The following PCDH15 variants were observed in gnomAD, a reference collection of about 807,000 sequenced individuals.
The protein encoded by PCDH15 is protocadherin-15.
In PCDH15, 129 loss-of-function variants were observed where a neutral mutation model predicts 178.5. The ratio of observed to expected loss-of-function variants is 0.72; its 90% CI spans 0.63 to 0.84. The LOEUF is 0.84. PCDH15 is among the 40% of genes least tolerant of loss of function. The probability of loss-of-function intolerance (pLI) is 0.00; values close to 1 mark genes in which losing one functional copy is unlikely to be tolerated. For synonymous variants in PCDH15, 800 were observed against 732.0 expected (o/e 1.09, Z -1.50); for missense variants, 2,230 against 2,099.9 (o/e 1.06, Z -1.21).
intron 17 of PCDH15, among the ~76,000 whole-genome samples, chr10:54,067,620 T>G (rs1402415004): frequency 6.6e-6 from 1 of 152,124 alleles, no homozygotes; most frequent in Non-Finnish European, 1.5e-5. Context: ...AATCAAAGCC[T>G]GAGTACAGCA....
At chr10:54,305,854 C>T (rs898988693) in intron 8 of PCDH15, among the ~76,000 whole-genome samples, 4 of 151,754 alleles carry the variant, frequency 2.6e-5, no homozygotes, top group South Asian at 2.1e-4. Flanking sequence ...CACACAAAGA[C>T]ATTTCACCTC....
chr10:54,866,626 A>C (rs1953946941), intron 3 of PCDH15, among the ~76,000 whole-genome samples: 1 of 152,176 alleles, frequency 6.6e-6, no homozygotes, highest in Non-Finnish European at 1.5e-5. Context: ...ATTTTTATTT[A>C]ATAGTTATTA....
intron 35 of PCDH15, 103 bp downstream of exon 35, chr10:53,816,136 G>A: frequency 2.5e-6 from 1 of 396,406 alleles, no homozygotes; most frequent in East Asian, 3.6e-5. Context: ...TTAAAATTAT[G>A]CCACATTGGC....
rs573597042 is a variant in PCDH15 at position 54,717,680 on chromosome 10, A to T, written c.-28-53390T>A. ...TGTTGGTGGGACTGTAAACTAGTTC[A>T]ACCATTGTGGAAGTCAGTGTGGCGA... is the stretch of plus-strand genomic sequence containing the variant. On this transcript the variant is annotated intron_variant, in intron 1 of 37. Coordinates refer to ENST00000644397, the MANE Select transcript of PCDH15 (RefSeq NM_001384140.1). 8.0e-4 allele frequency among the ~76,000 whole-genome samples: 109 copies of T among 136,152 alleles called. 9 individuals are homozygous for T. The highest frequency in any genetic ancestry group is 2.9e-3 in the African/African-American group (103 of 35,032). The allele number at this position is 136,152 out of a possible 152,430, so 89.3% of individuals were successfully genotyped here.
Position 55,233,135 on chromosome 10 carries a change from T to C in PCDH15, c.-155-66484A>G, listed in dbSNP as rs867701871. 2.0e-5 allele frequency among the ~76,000 whole-genome samples: 3 copies of C among 152,220 alleles called. No homozygotes were observed. In the South Asian group the frequency reaches 6.2e-4, roughly 32 times the overall value. On this transcript the variant is annotated intron_variant, in intron 1 of 5. Coordinates refer to the PCDH15 transcript ENST00000458638. The stretch of plus-strand genomic sequence containing the variant: ...TATATTTATAGAGATAAAAATATGG[T>C]ATCTATACTACTTCTATATTAACTA...
chr10:53,812,105 T>C (rs1460054624), intron 35 of PCDH15, among the ~76,000 whole-genome samples: 2 of 152,238 alleles, frequency 1.3e-5, no homozygotes, highest in African/African-American at 4.8e-5. Flanking sequence ...ACTGTTCTGA[T>C]AAAGTCATCT....
chr10:54,317,249 A>G lies in PCDH15; in HGVS notation c.876+22T>C, dbSNP rs181370187. On this transcript the variant is annotated intron_variant, in intron 8 of 37. Coordinates refer to ENST00000644397, the MANE Select transcript of PCDH15 (RefSeq NM_001384140.1). ...GGTTTTAAAACATGCAAATAAATGG[A>G]GAAAGATAAGAGTATATTTACCGGA... 5 of 1,607,206 alleles carry G rather than the reference A, an allele frequency of 3.1e-6. No individual in the cohort carries two copies. In the Admixed American group the frequency reaches 6.7e-5, roughly 21 times the overall value.
intron 3 of PCDH15, among the ~76,000 whole-genome samples, chr10:54,841,600 T>C (rs1953418797): frequency 6.6e-6 from 1 of 151,748 alleles, no homozygotes; most frequent in Non-Finnish European, 1.5e-5. Flanking sequence ...TAGAAAATTT[T>C]ATTGTTAAAT....
chr10:54,936,984 G>A (rs562112465), intron 2 of PCDH15, among the ~76,000 whole-genome samples: 25 of 151,664 alleles, frequency 1.6e-4, no homozygotes, highest in African/African-American at 4.4e-4. Context: ...TATTTCTTAC[G>A]TTGAGGTCTA....
intron 2 of PCDH15, among the ~76,000 whole-genome samples, chr10:55,005,643 C>T (rs7090160): frequency 0.83 from 126,734 of 152,066 alleles, 53,368 homozygotes; most frequent in African/African-American, 0.96. Context: ...ACATTTTTTT[C>T]CCTCTATTCT....
At chr10:55,412,310 C>A (rs1423610538) in intron 2 of PCDH15, among the ~76,000 whole-genome samples, 1 of 151,746 alleles carries the variant, frequency 6.6e-6, no homozygotes, top group African/African-American at 2.4e-5. Context: ...TTGATTTTTC[C>A]TTTTTAAAAA....
At position 53,909,811 on chromosome 10, in the gene PCDH15, C is replaced by T. The variant is rs112761655; in HGVS notation, c.3374-6441G>A. Among the ~76,000 whole-genome samples, 893 of 152,292 alleles carry T rather than the reference C, an allele frequency of 5.9e-3. 3 individuals are homozygous for T. Among genetic ancestry groups the T allele is most frequent in the Non-Finnish European group, 9.6e-3 (655 of 68,040 alleles). On this transcript the variant is annotated intron_variant, in intron 25 of 37. Coordinates refer to ENST00000644397, the MANE Select transcript of PCDH15 (RefSeq NM_001384140.1). ...TGGGGACAGTGCCACCCAAATGCTG[C>T]GCTTTTCCAATGGTCTTAGCAAATG...
chr10:55,123,764 T>G (rs189263106), intron 2 of PCDH15, among the ~76,000 whole-genome samples: 5 of 152,248 alleles, frequency 3.3e-5, no homozygotes, highest in Admixed American at 2.6e-4. Context: ...GAACTTCCTC[T>G]CTGGGAAAAT....
intron 8 of PCDH15, among the ~76,000 whole-genome samples, chr10:54,276,203 A>G (rs575377074): frequency 1.3e-5 from 2 of 151,816 alleles, no homozygotes. Context: ...AAACAAGGTG[A>G]AAAGGAAGCT....
At chr10:55,234,730 C>T (rs1841327294) in intron 1 of PCDH15, among the ~76,000 whole-genome samples, 1 of 151,924 alleles carries the variant, frequency 6.6e-6, no homozygotes, top group Admixed American at 6.6e-5. Context: ...TATTTTGAGA[C>T]AATAAAATTC....
intron 1 of PCDH15, among the ~76,000 whole-genome samples, chr10:54,785,752 G>GCTAA (rs1950805986): frequency 6.6e-6 from 1 of 151,946 alleles, no homozygotes; most frequent in African/African-American, 2.4e-5. Context: ...TGCCATCAGA[G>GCTAA]CTAAGATTTA....
intron 2 of PCDH15, among the ~76,000 whole-genome samples, chr10:55,359,056 G>A (rs1845152876): frequency 6.6e-6 from 1 of 151,910 alleles, no homozygotes; most frequent in African/African-American, 2.4e-5. Context: ...AATATAACTA[G>A]GCATAGTGGC....
At chr10:54,889,500 G>GATATATATATATATAT (rs397688090) in intron 3 of PCDH15, among the ~76,000 whole-genome samples, 15,233 of 140,914 alleles carry the variant, frequency 0.11, 1,116 homozygotes, top group Non-Finnish European at 0.16. Flanking sequence ...TAATTGTGAA[G>GATATATATATATATAT]ATATATATAT....
chr10:54,686,982 T>C (rs2095023919), intron 1 of PCDH15, among the ~76,000 whole-genome samples: 3 of 152,118 alleles, frequency 2.0e-5, no homozygotes, highest in African/African-American at 7.2e-5. Flanking sequence ...GGAAAGACAA[T>C]TTTCCCCAAA....
Sources: gnomAD v4.1 joint callset for allele counts (sites outside exome capture counted in the v4.1 genomes callset) on GRCh38, gnomAD v4.1.1 for gene constraint, MANE v1.5 for transcripts, NCBI Gene and HGNC (gene_info 2026-07-23, HGNC 2026-07-21) for gene names.